LRRC38: variants seen among roughly 807,000 people sequenced by gnomAD.
LRRC38 encodes the protein leucine rich repeat containing 38, also known as leucine-rich repeat-containing protein 38.
Under a neutral mutation model 16.4 loss-of-function variants are expected in LRRC38, and 5 were observed. That is an observed-to-expected ratio of 0.31 (90% CI 0.16 to 0.64). LRRC38 has a LOEUF of 0.64. Among genes scored for constraint, LRRC38 ranks in the 30% least tolerant of loss-of-function variants. The probability of loss-of-function intolerance (pLI) is 0.80; values close to 1 mark genes in which losing one functional copy is unlikely to be tolerated. For synonymous variants in LRRC38, 191 were observed against 190.2 expected, an observed-to-expected ratio of 1.00 and a Z score of -0.04; for missense variants, 341 against 401.8, an observed-to-expected ratio of 0.85 and a Z score of 1.29.
intron 1 of LRRC38, among the ~76,000 whole-genome samples, chr1:13,496,279 T>C (rs1639078679): frequency 6.6e-6 from 1 of 152,064 alleles, no homozygotes; most frequent in Non-Finnish European, 1.5e-5. Flanking sequence ...AGTGATCCTC[T>C]TGCCTCAGCG....
intron 1 of LRRC38, among the ~76,000 whole-genome samples, chr1:13,492,164 C>T (rs2100504604): frequency 6.6e-6 from 1 of 152,302 alleles, no homozygotes; most frequent in South Asian, 2.1e-4. Context: ...ACTTTCTCTT[C>T]TGTGAGTTTG....
chr1:13,488,454 T>C (rs1055905810), intron 1 of LRRC38, among the ~76,000 whole-genome samples: 14 of 152,054 alleles, frequency 9.2e-5, no homozygotes, highest in African/African-American at 3.4e-4. Flanking sequence ...GTATTTTTAG[T>C]AGAGATGGGG....
rs190263757 is a variant in LRRC38, at chr1:13,506,122, C to G, written c.631+6841G>C. On this transcript the variant is annotated intron_variant, in intron 1 of 1. Transcript: ENST00000376085. ...GGCAGTGGTCACAGGATAAGCACAG[C>G]ATCCCACGAGATCGCACAGGATGGG... is the stretch of plus-strand genomic sequence containing the variant. 8.6e-3 allele frequency among the ~76,000 whole-genome samples: 1,312 copies of G among 152,276 alleles called. 78 individuals are homozygous for G. The highest frequency in any genetic ancestry group is 0.074 in the Admixed American group (1,130 of 15,292).
chr1:13,476,243 A>T, intron 1 of LRRC38, 144 bp from the exon 2 acceptor site: 1 of 777,948 alleles, frequency 1.3e-6, no homozygotes, highest in Non-Finnish European at 2.0e-6. Context: ...ATTTAAATGG[A>T]ATTTAAACTT....
intron 1 of LRRC38, among the ~76,000 whole-genome samples, chr1:13,496,676 C>T (rs1311923589): frequency 2.0e-5 from 3 of 152,078 alleles, no homozygotes; most frequent in Admixed American, 1.3e-4. Context: ...GCACCTATTA[C>T]CTGCGAGCAC....
At chr1:13,480,638 G>A (rs550117802) in intron 1 of LRRC38, among the ~76,000 whole-genome samples, 2 of 151,956 alleles carry the variant, frequency 1.3e-5, no homozygotes, top group East Asian at 1.9e-4. Context: ...TCTCCTGGTT[G>A]TGAATAAGTC....
Position 13,475,756 on chromosome 1 carries a change from G to T in LRRC38, c.*90C>A, listed in dbSNP as rs3795750. The T allele has an allele frequency of 4.7e-6, 7 of 1,481,714 alleles. No individual in the cohort carries two copies. Among genetic ancestry groups the T allele is most frequent in the Non-Finnish European group, 5.4e-6 (6 of 1,108,208 alleles). 91.8% of individuals were successfully genotyped at this position (1,481,714 alleles called of 1,614,324 possible). On this transcript the variant is annotated 3_prime_UTR_variant, in exon 2 of 2. Coordinates refer to ENST00000376085, the MANE Select transcript of LRRC38 (RefSeq NM_001010847.2). This position sits in a 1 kb window ranked among gnomAD's most constrained non-coding sequence, Gnocchi z 4.3. The stretch of plus-strand genomic sequence containing the variant: ...CTGTTCAGTTCACAGATGGTGGCCA[G>T]TGCTTTTCCATTTTCAGCATTTCCC...
At chr1:13,482,860 C>T (rs1638886667) in intron 1 of LRRC38, among the ~76,000 whole-genome samples, 1 of 152,200 alleles carries the variant, frequency 6.6e-6, no homozygotes, top group East Asian at 1.9e-4. Context: ...CTTCACAAAA[C>T]ATACTAGCCT....
At chr1:13,496,659 G>A (rs948752203) in intron 1 of LRRC38, among the ~76,000 whole-genome samples, 23 of 151,988 alleles carry the variant, frequency 1.5e-4, no homozygotes, top group African/African-American at 4.8e-4. Flanking sequence ...CAACACATAC[G>A]TATGGAGCAC....
At chr1:13,508,737 G>C (rs1273853445) in intron 1 of LRRC38, among the ~76,000 whole-genome samples, 1 of 152,198 alleles carries the variant, frequency 6.6e-6, no homozygotes, top group Non-Finnish European at 1.5e-5. Flanking sequence ...GAGTCACCTG[G>C]GAGAAAGGAC....
rs191692953 is a variant in LRRC38, at chr1:13,506,789, G to A, written c.631+6174C>T. 3.9e-5 allele frequency among the ~76,000 whole-genome samples: 6 copies of A among 152,186 alleles called. No individual in the cohort carries two copies. In the South Asian group the frequency reaches 6.2e-4, roughly 16 times the overall value. ...GCATTTTTACAGCCCGCACCAGCCC[G>A]AAGGCTGATAAGGCCGGCCAAGCAC... On this transcript the variant is annotated intron_variant, in intron 1 of 1. Coordinates refer to ENST00000376085, the MANE Select transcript of LRRC38 (RefSeq NM_001010847.2).
chr1:13,483,038 C>G (rs1441282639), intron 1 of LRRC38, among the ~76,000 whole-genome samples: 1 of 152,218 alleles, frequency 6.6e-6, no homozygotes, highest in Non-Finnish European at 1.5e-5. Flanking sequence ...AGCTTGGCCA[C>G]TGCATCGTGC....
chr1:13,511,289 G>C (rs944881242), intron 1 of LRRC38, among the ~76,000 whole-genome samples: 16 of 152,154 alleles, frequency 1.1e-4, no homozygotes, highest in African/African-American at 3.4e-4. Context: ...TTTCACTCAA[G>C]GGAAAGGTGA....
At chr1:13,503,985 G>A (rs1639180239) in intron 1 of LRRC38, among the ~76,000 whole-genome samples, 1 of 152,244 alleles carries the variant, frequency 6.6e-6, no homozygotes, top group African/African-American at 2.4e-5. Context: ...GCCGCTGGGA[G>A]GATGCGCTGT....
chr1:13,497,745 G>T (rs1185126074), intron 1 of LRRC38, among the ~76,000 whole-genome samples: 1 of 152,020 alleles, frequency 6.6e-6, no homozygotes, highest in African/African-American at 2.4e-5. Flanking sequence ...GGAGGCCGAG[G>T]AGGGCAGATC....
chr1:13,485,172 G>A (rs1049463790), intron 1 of LRRC38, among the ~76,000 whole-genome samples: 4 of 151,924 alleles, frequency 2.6e-5, no homozygotes, highest in Non-Finnish European at 1.5e-5. Flanking sequence ...ACCTACTCAG[G>A]AGGCTGAAGC....
At chr1:13,509,035 C>T (rs1210812788) in intron 1 of LRRC38, among the ~76,000 whole-genome samples, 3 of 152,120 alleles carry the variant, frequency 2.0e-5, no homozygotes, top group African/African-American at 4.8e-5. Context: ...CCCAAGCCCC[C>T]GAATGCTCAG....
chr1:13,499,800 G>A (rs749302060), intron 1 of LRRC38, among the ~76,000 whole-genome samples: 7 of 152,124 alleles, frequency 4.6e-5, no homozygotes, highest in African/African-American at 9.7e-5. Context: ...ACCACAGTGC[G>A]ACCCACGGGA....
Position 13,475,922 on chromosome 1 carries a change from G to T in LRRC38, c.809C>A (p.Ala270Asp), listed in dbSNP as rs1333710265. Residue 270 changes from alanine (A) to aspartate (D), a missense_variant, in exon 2 of 2, where the codon GCC (alanine) becomes GAC (aspartate). By Grantham distance (126) the Ala-to-Asp change is moderately radical (BLOSUM62 -2). Transcript: ENST00000376085. This position sits in a 1 kb window ranked among gnomAD's most constrained non-coding sequence, Gnocchi z 4.3. ...IAAIISSFFL[A>D]TVVQCLQRCA... ...CCTCTGGAGGCACTGCACCACAGTG[G>T]CCAGGAAGAAGCTGGAGATGATGGC... The T allele has an allele frequency of 6.4e-6, 10 of 1,550,494 alleles. No homozygotes were observed. The highest frequency in any genetic ancestry group is 8.7e-6 in the Non-Finnish European group (10 of 1,147,018).
Sources: allele counts gnomAD v4.1 joint callset (sites outside exome capture counted in the v4.1 genomes callset), GRCh38; gene constraint gnomAD v4.1.1; non-coding constraint Gnocchi (gnomAD v3.1); transcripts MANE v1.5; gene names NCBI Gene and HGNC (gene_info 2026-07-23, HGNC 2026-07-21).